Variants in SLC4A2 observed in about 807,000 individuals in gnomAD.
The protein encoded by SLC4A2 is solute carrier family 4 member 2.
SLC4A2 carries 36 observed loss-of-function variants against 115.0 expected under a neutral mutation model. That is an observed-to-expected ratio of 0.31 (90% confidence interval 0.24 to 0.41). The LOEUF (loss-of-function observed/expected upper bound fraction) is 0.41. Ranked by LOEUF, SLC4A2 falls within the 10% of genes least tolerant of loss-of-function variation. SLC4A2 has a pLI of 1.00. For missense variants in SLC4A2, 1,252 were observed against 1,705.6 expected (o/e 0.73, Z 4.68); for synonymous variants, 708 against 708.3 (o/e 1.00, Z 0.01).
rs754610217 is a variant in SLC4A2 at position 151,068,063 on chromosome 7, G to A, written c.1147+9G>A. 78 of 1,462,794 alleles carry A rather than the reference G, an allele frequency of 5.3e-5. No individual in the cohort carries two copies. Among genetic ancestry groups the A allele is most frequent in the Non-Finnish European group, 5.9e-5 (65 of 1,110,784 alleles). 90.6% of individuals were successfully genotyped at this position (1,462,794 alleles called of 1,614,324 possible). On this transcript the variant is annotated intron_variant, in intron 8 of 22. Transcript: ENST00000413384. ...CAGGACCCTGGCCCATGGTAACCCC[G>A]CTCCCCTCCACCTCCCGCCTGGCCA...
rs1178375143 is a variant in SLC4A2, at chr7:151,071,308, G to A, written c.1975+11G>A. ...CTGCCCAAGATAAGGGTACGGCCAG[G>A]GCGGGCTGGGGCCAGGGCTGCCTCG... On this transcript the variant is annotated intron_variant, in intron 13 of 22. Transcript: ENST00000413384. The surrounding 1 kb of genome is among the most constrained non-coding windows in gnomAD (Gnocchi z 5.5). 2.6e-6 allele frequency: 4 copies of A among 1,546,270 alleles called. No individual in the cohort carries two copies. Among genetic ancestry groups the A allele is most frequent in the Non-Finnish European group, 3.5e-6 (4 of 1,147,898 alleles).
At position 151,066,565 on chromosome 7, in the gene SLC4A2, C is replaced by A. The variant is rs747991446; in HGVS notation, c.627C>A (p.Gly209=). The part of the protein sequence containing the change: ...AEAEAVAVAS[G]TAGGDDGGAS... Reference sequence around the variant, plus strand: ...CGGAGGCGGTGGCGGTGGCCAGTGGCACTGCAGGGGGTGACGACGGGGGTG... The same window carrying A: ...CGGAGGCGGTGGCGGTGGCCAGTGGAACTGCAGGGGGTGACGACGGGGGTG... The change falls in exon 6 of 23, where the codon GGC becomes GGA. Residue 209 remains glycine (G), a synonymous_variant. Coordinates refer to ENST00000413384, the MANE Select transcript of SLC4A2 (RefSeq NM_003040.4). The A allele has an allele frequency of 6.5e-7, 1 of 1,544,286 alleles. No individual in the cohort carries two copies. Among genetic ancestry groups the A allele is most frequent in the Non-Finnish European group, 8.7e-7 (1 of 1,144,608 alleles).
rs778645457 is a variant in SLC4A2, at chr7:151,064,663, C to A, written c.355C>A (p.Pro119Thr). The A allele has an allele frequency of 6.2e-7, 1 of 1,613,660 alleles. No homozygotes were observed. Among genetic ancestry groups the A allele is most frequent in the African/African-American group, 1.3e-5 (1 of 74,902 alleles). Residue 119 changes from proline to threonine, a missense_variant, in exon 4 of 23, where the codon CCG becomes ACG. This residue lies in a region of SLC4A2 where 215 missense variants were observed against 205.2 expected (regional missense o/e 1.05). Coordinates refer to ENST00000413384, the MANE Select transcript of SLC4A2 (RefSeq NM_003040.4). Reference protein sequence around the residue: ...RPGASPTGETPTIEEGEEDED... With the variant: ...RPGASPTGETTTIEEGEEDED... ...GGGAGCCTCCCCGACTGGAGAAACC[C>A]CGACCATTGAGGAGGGGGAGGAAGA... is the stretch of plus-strand genomic sequence containing the variant.
At chr7:151,072,813 C>T (rs1797485862) in intron 16 of SLC4A2, among the ~76,000 whole-genome samples, 1 of 151,978 alleles carries the variant, frequency 6.6e-6, no homozygotes, top group African/African-American at 2.4e-5. Context: ...CACACGCCAC[C>T]ATGCCCGGCT....
Position 151,071,265 on chromosome 7 carries a change from C to T in SLC4A2, c.1943C>T (p.Ala648Val). The change falls in exon 13 of 23, where the codon GCT (alanine) becomes GTT (valine). Residue 648 changes from alanine (A) to valine (V), a missense_variant. Physicochemically the swap from Ala to Val is moderately conservative, Grantham distance 64 (BLOSUM62 0). Coordinates refer to ENST00000413384, the MANE Select transcript of SLC4A2 (RefSeq NM_003040.4). This position sits in a 1 kb window ranked among gnomAD's most constrained non-coding sequence, Gnocchi z 5.5. ...CAGGGCCGGCTGCTACCTACAGGGGCTGGGCTGGAGCCCAAATCTGCCCAA... is the reference window on the plus strand; with the variant it reads ...CAGGGCCGGCTGCTACCTACAGGGGTTGGGCTGGAGCCCAAATCTGCCCAA... ...EEQGRLLPTG[A>V]GLEPKSAQDK... is the part of the protein sequence containing the mutation. 2 of 1,562,234 alleles carry T rather than the reference C, an allele frequency of 1.3e-6. No homozygotes were observed. The highest frequency in any genetic ancestry group is 1.7e-6 in the Non-Finnish European group (2 of 1,154,452).
chr7:151,061,630 C>A (rs923326383), intron 1 of SLC4A2: 3 of 301,194 alleles, frequency 1.0e-5, no homozygotes, highest in Non-Finnish European at 1.9e-5. Context: ...TCTCTCCGGG[C>A]CTGGGCCTTG....
At chr7:151,074,962 C>T (rs1322326925) in intron 19 of SLC4A2, 121 bp downstream of exon 19, 1 of 1,013,884 alleles carries the variant, frequency 9.9e-7, no homozygotes, top group Admixed American at 2.6e-5. Context: ...CTTGGATGCC[C>T]AGATGGCCAC....
At chr7:151,065,870 G>A (rs993780788) in intron 5 of SLC4A2, among the ~76,000 whole-genome samples, 27 of 152,130 alleles carry the variant, frequency 1.8e-4, no homozygotes, top group Non-Finnish European at 1.2e-4. Flanking sequence ...AGCTCTGGGG[G>A]CTCTTGATGT....
At chr7:151,073,759 T>G (rs1797521274) in intron 16 of SLC4A2, among the ~76,000 whole-genome samples, 1 of 152,142 alleles carries the variant, frequency 6.6e-6, no homozygotes, top group Non-Finnish European at 1.5e-5. Flanking sequence ...TCCTCTGTGC[T>G]CATGTCCTCT....
At chr7:151,070,373 G>C in intron 10 of SLC4A2, 27 bp downstream of exon 10, 1 of 1,609,364 alleles carries the variant, frequency 6.2e-7, no homozygotes, top group Non-Finnish European at 8.5e-7. Flanking sequence ...CCCTGCCTGG[G>C]CTGGCGGCAG....
At chr7:151,065,880 T>A (rs1797211860) in intron 5 of SLC4A2, among the ~76,000 whole-genome samples, 2 of 151,886 alleles carry the variant, frequency 1.3e-5, no homozygotes, top group Admixed American at 1.3e-4. Flanking sequence ...GCTCTTGATG[T>A]TGAGAGAGAG....
chr7:151,064,655 G>C lies in SLC4A2; in HGVS notation c.347G>C (p.Gly116Ala), dbSNP rs1332188346. The change falls in exon 4 of 23, where the codon GGA becomes GCA. Residue 116 changes from glycine to alanine, a missense_variant. Coordinates refer to ENST00000413384, the MANE Select transcript of SLC4A2 (RefSeq NM_003040.4). The stretch of plus-strand genomic sequence containing the variant: ...AGGCGCCCGGGAGCCTCCCCGACTG[G>C]AGAAACCCCGACCATTGAGGAGGGG... ...PRRRPGASPT[G>A]ETPTIEEGEE... 1 of 1,613,700 alleles carries C rather than the reference G, an allele frequency of 6.2e-7. No individual in the cohort carries two copies. Among genetic ancestry groups the C allele is most frequent in the African/African-American group, 1.3e-5 (1 of 74,916 alleles).
At chr7:151,074,365 G>A in intron 17 of SLC4A2, 34 bp from the exon 18 acceptor site, 1 of 1,612,460 alleles carries the variant, frequency 6.2e-7, no homozygotes, top group Non-Finnish European at 8.5e-7. Context: ...CGGCTGTGGT[G>A]GCAGGACTCT....
At position 151,069,140 on chromosome 7, in the gene SLC4A2, C is replaced by CAAAAAAAAAAGAAAAAAAAAA. The variant is rs1797338516; in HGVS notation, c.1148-797_1148-796insGAAAAAAAAAAAAAAAAAAAA. ...AACGACAGAGCGAGACTCTTATCAC[C>CAAAAAAAAAAGAAAAAAAAAA]AAAAAAAAAAAAAAAAAAAGCAGCT... On this transcript the variant is annotated intron_variant, in intron 8 of 22. Transcript: ENST00000413384. Among the ~76,000 whole-genome samples, 2 of 40,950 alleles carry CAAAAAAAAAAGAAAAAAAAAA rather than the reference C, an allele frequency of 4.9e-5. 1 individual carries two copies. The highest frequency in any genetic ancestry group is 8.4e-5 in the Non-Finnish European group (2 of 23,872). The allele number at this position is 40,950 out of a possible 152,430, so 26.9% of individuals were successfully genotyped here. A position where few individuals can be genotyped will look rare whatever the true frequency, so the allele number is the denominator to read the frequency against.
intron 1 of SLC4A2, 133 bp from the exon 2 acceptor site, chr7:151,061,792 G>A (rs1797055367): frequency 3.4e-6 from 2 of 595,838 alleles, no homozygotes; most frequent in Admixed American, 5.8e-5. Context: ...ACTCTCCTCT[G>A]TGCTGTGGCT....
At chr7:151,068,748 G>A (rs1797321224) in intron 8 of SLC4A2, among the ~76,000 whole-genome samples, 1 of 151,760 alleles carries the variant, frequency 6.6e-6, no homozygotes, top group Non-Finnish European at 1.5e-5. Flanking sequence ...TCAAACTCCT[G>A]GGCTCAAGTG....
intron 10 of SLC4A2, 35 bp from the exon 11 acceptor site, chr7:151,070,422 G>T (rs773064157): frequency 3.1e-6 from 5 of 1,611,222 alleles, no homozygotes; most frequent in Non-Finnish European, 4.2e-6. Context: ...AGTGGGAGGG[G>T]CCTGGCTGGG....
rs1452708837 is a variant in SLC4A2, at chr7:151,063,310, C to T, written c.52-892C>T. 5.2e-6 allele frequency: 4 copies of T among 774,968 alleles called. No individual in the cohort carries two copies. In the East Asian group the frequency reaches 1.0e-4, roughly 19 times the overall value. 48.0% of individuals were successfully genotyped at this position (774,968 alleles called of 1,614,324 possible). A position where few individuals can be genotyped will look rare whatever the true frequency, so the allele number is the denominator to read the frequency against. Reference sequence around the variant, plus strand: ...TGAAGGGCATCCATTCCGGTCCCTGCGGGGCTGGGTTTGTTTGACTCGGAC... The same window carrying T: ...TGAAGGGCATCCATTCCGGTCCCTGTGGGGCTGGGTTTGTTTGACTCGGAC... On this transcript the variant is annotated intron_variant, in intron 2 of 22. Coordinates refer to ENST00000413384, the MANE Select transcript of SLC4A2 (RefSeq NM_003040.4).
At chr7:151,073,412 G>C (rs1405528855) in intron 16 of SLC4A2, among the ~76,000 whole-genome samples, 1 of 151,774 alleles carries the variant, frequency 6.6e-6, no homozygotes, top group South Asian at 2.1e-4. Context: ...TCAGCCTCTC[G>C]AGTAGCTGGA....
Sources: gnomAD v4.1 joint callset for allele counts (sites outside exome capture counted in the v4.1 genomes callset) on GRCh38, gnomAD v4.1.1 for gene constraint, gnomAD v4.1.1 regional missense constraint, Gnocchi (gnomAD v3.1) non-coding constraint, MANE v1.5 for transcripts, NCBI Gene and HGNC (gene_info 2026-07-23, HGNC 2026-07-21) for gene names.